The following FAM3C variants were observed in gnomAD, a reference collection of about 807,000 sequenced individuals.
The protein encoded by FAM3C is protein FAM3C.
Under a neutral mutation model 32.5 loss-of-function variants are expected in FAM3C, and 15 were observed. That is an observed-to-expected ratio of 0.46 (90% CI 0.31 to 0.71). The LOEUF is 0.71. Ranked by LOEUF, FAM3C falls within the 30% of genes least tolerant of loss-of-function variation. The probability of loss-of-function intolerance (pLI) is 0.05; values close to 1 mark genes in which losing one functional copy is unlikely to be tolerated. For missense variants in FAM3C, 175 were observed against 274.4 expected (o/e 0.64, Z 2.56); for synonymous variants, 75 against 86.1 (o/e 0.87, Z 0.72).
At chr7:121,359,220 G>A (rs1793874982) in intron 8 of FAM3C, among the ~76,000 whole-genome samples, 1 of 151,848 alleles carries the variant, frequency 6.6e-6, no homozygotes, top group Non-Finnish European at 1.5e-5. Context: ...TAAAGACATA[G>A]ACATGGACTG....
intron 1 of FAM3C, among the ~76,000 whole-genome samples, chr7:121,395,702 G>A (rs1482055292): frequency 6.6e-6 from 1 of 152,094 alleles, no homozygotes; most frequent in Non-Finnish European, 1.5e-5. Context: ...TAGTATAGGC[G>A]ACACTAAAAC....
intron 1 of FAM3C, among the ~76,000 whole-genome samples, chr7:121,384,244 C>A (rs749286501): frequency 6.6e-6 from 1 of 152,072 alleles, no homozygotes; most frequent in Non-Finnish European, 1.5e-5. Flanking sequence ...ACAGCTTCCA[C>A]GTAATAGAAA....
At chr7:121,373,359 T>C (rs1383956276) in intron 3 of FAM3C, among the ~76,000 whole-genome samples, 1 of 152,216 alleles carries the variant, frequency 6.6e-6, no homozygotes, top group East Asian at 1.9e-4. Flanking sequence ...GTACTAAGTC[T>C]GCAATTCTGA....
At chr7:121,381,870 T>C (rs982794424) in intron 2 of FAM3C, among the ~76,000 whole-genome samples, 1 of 152,218 alleles carries the variant, frequency 6.6e-6, no homozygotes, top group Admixed American at 6.5e-5. Flanking sequence ...CCCTCAGTTA[T>C]CTTTGTTTAA....
chr7:121,371,385 C>G lies in FAM3C; in HGVS notation c.187G>C (p.Ala63Pro), dbSNP rs950767093. The G allele has an allele frequency of 1.2e-6, 2 of 1,613,854 alleles. No individual in the cohort carries two copies. The highest frequency in any genetic ancestry group is 8.5e-7 in the Non-Finnish European group (1 of 1,179,886). The change falls in exon 5 of 10, where the codon GCT (alanine) becomes CCT (proline). Residue 63 changes from alanine (A) to proline (P), a missense_variant. Ala to Pro is a conservative substitution (Grantham distance 27). Coordinates refer to ENST00000359943, the MANE Select transcript of FAM3C (RefSeq NM_014888.3). ...PPRYKCGISK[A>P]CPEKHFAFKM... The stretch of plus-strand genomic sequence containing the variant: ...AAAGCAAAATGCTTCTCAGGGCAAG[C>G]TTTTGAGATCCCACACTTATATCTG...
chr7:121,362,455 C>T (rs1368798450), intron 7 of FAM3C, among the ~76,000 whole-genome samples: 1 of 151,918 alleles, frequency 6.6e-6, no homozygotes, highest in African/African-American at 2.4e-5. Flanking sequence ...TTCTAATGCT[C>T]CTAATGCTCC....
chr7:121,357,980 A>G (rs1793845774), intron 8 of FAM3C, among the ~76,000 whole-genome samples: 1 of 152,088 alleles, frequency 6.6e-6, no homozygotes, highest in South Asian at 2.1e-4. Context: ...TTTTAATGTT[A>G]AAACTTCAAA....
At chr7:121,358,922 T>C (rs1453929076) in intron 8 of FAM3C, among the ~76,000 whole-genome samples, 1 of 151,802 alleles carries the variant, frequency 6.6e-6, no homozygotes, top group Non-Finnish European at 1.5e-5. Context: ...CGTGAAGGGG[T>C]CTTACAAGTC....
intron 1 of FAM3C, among the ~76,000 whole-genome samples, chr7:121,388,958 T>G (rs554981008): frequency 1.6e-4 from 24 of 152,270 alleles, no homozygotes; most frequent in Non-Finnish European, 2.6e-4. Flanking sequence ...CTCCTGACAG[T>G]GAATGGAGAA....
At position 121,360,060 on chromosome 7, in the gene FAM3C, G is replaced by C. The variant is rs762129401; in HGVS notation, c.450C>G (p.Tyr150Ter). ...QDGTIVLMGT[Y>*]DDGATKLNDE... is the part of the protein sequence containing the mutation. ...TTACATACTTGGTTGCTCCATCATC[G>C]TATGTTCCCATTAAAACTATTGTTC... The change falls in exon 8 of 10, where the codon TAC (tyrosine) becomes TAG (stop). Residue 150 changes from tyrosine to a stop codon, truncating the protein, a stop_gained. Coordinates refer to ENST00000359943, the MANE Select transcript of FAM3C (RefSeq NM_014888.3). LOFTEE classifies it high-confidence loss of function. The C allele has an allele frequency of 1.3e-6, 2 of 1,560,920 alleles. No homozygotes were observed. Among genetic ancestry groups the C allele is most frequent in the African/African-American group, 2.7e-5 (2 of 73,314 alleles).
chr7:121,386,796 C>T (rs1444648688), intron 1 of FAM3C, among the ~76,000 whole-genome samples: 5 of 151,586 alleles, frequency 3.3e-5, no homozygotes, highest in African/African-American at 1.2e-4. Flanking sequence ...TTTTTATCCC[C>T]AGAGCATTTA....
intron 3 of FAM3C, 68 bp from the exon 4 acceptor site, chr7:121,372,207 AT>A: frequency 2.0e-6 from 2 of 1,005,068 alleles, no homozygotes; most frequent in Non-Finnish European, 3.1e-6. Context: ...TTTAAAATAT[AT>A]TTAGGTCCAC....
chr7:121,393,855 A>G (rs1441478205), intron 1 of FAM3C, among the ~76,000 whole-genome samples: 1 of 151,508 alleles, frequency 6.6e-6, no homozygotes, highest in Non-Finnish European at 1.5e-5. Context: ...ATAACTAAAT[A>G]CAGAATCAAT....
intron 1 of FAM3C, among the ~76,000 whole-genome samples, chr7:121,383,353 T>C (rs961251926): frequency 2.0e-5 from 3 of 152,148 alleles, no homozygotes; most frequent in African/African-American, 4.8e-5. Flanking sequence ...AGTTTGCAGA[T>C]GATGTCCAAA....
chr7:121,373,170 C>A (rs984509957), intron 3 of FAM3C, among the ~76,000 whole-genome samples: 3 of 149,046 alleles, frequency 2.0e-5, no homozygotes, highest in African/African-American at 7.6e-5. Context: ...ATTTTAAGTA[C>A]TTAAAGTCAG....
chr7:121,351,848 C>T (rs1418314949), intron 8 of FAM3C, among the ~76,000 whole-genome samples: 1 of 152,158 alleles, frequency 6.6e-6, no homozygotes, highest in African/African-American at 2.4e-5. Flanking sequence ...TAAATGCCTA[C>T]TAGCAGGAGG....
intron 9 of FAM3C, 47 bp from the exon 10 acceptor site, chr7:121,350,597 C>T (rs760564051): frequency 6.3e-7 from 1 of 1,587,156 alleles, no homozygotes; most frequent in South Asian, 1.1e-5. Flanking sequence ...CCGTTGTAAA[C>T]TGCTGATTTG....
At chr7:121,392,178 C>A (rs1267007446) in intron 1 of FAM3C, among the ~76,000 whole-genome samples, 1 of 152,152 alleles carries the variant, frequency 6.6e-6, no homozygotes, top group Admixed American at 6.5e-5. Context: ...TCTAAAGATG[C>A]TTCTATTGTA....
intron 5 of FAM3C, among the ~76,000 whole-genome samples, chr7:121,368,887 T>A (rs748187525): frequency 6.6e-6 from 1 of 151,536 alleles, no homozygotes; most frequent in Non-Finnish European, 1.5e-5. Flanking sequence ...CCTCTTTCCA[T>A]CCACTCTCGC....
Sources: allele counts gnomAD v4.1 joint callset (sites outside exome capture counted in the v4.1 genomes callset), GRCh38; gene constraint gnomAD v4.1.1; transcripts MANE v1.5; gene names NCBI Gene and HGNC (gene_info 2026-07-23, HGNC 2026-07-21).